The following COL4A5 variants were observed in gnomAD, a reference collection of about 807,000 sequenced individuals.
The protein encoded by COL4A5 is collagen alpha-5(IV) chain.
In COL4A5, 26 loss-of-function variants were observed where a neutral mutation model predicts 130.2. The ratio of observed to expected loss-of-function variants is 0.20; its 90% CI spans 0.15 to 0.28. COL4A5 has a LOEUF of 0.28. Ranked by LOEUF, COL4A5 falls within the 10% of genes least tolerant of loss-of-function variation. The pLI, the probability that COL4A5 is intolerant of heterozygous loss-of-function variation, is 1.00. For synonymous variants in COL4A5, 496 were observed against 439.6 expected, an observed-to-expected ratio of 1.13 and a Z score of -1.60; for missense variants, 1,131 against 1,344.3, an observed-to-expected ratio of 0.84 and a Z score of 2.48.
chrX:108,469,459 A>G (rs1603249651), intron 1 of COL4A5, among the ~76,000 whole-genome samples: 1 of 110,074 alleles, frequency 9.1e-6, no homozygotes, highest in South Asian at 3.9e-4. Flanking sequence ...GTATTTTCTT[A>G]TAATTCTTTT....
intron 36 of COL4A5, among the ~76,000 whole-genome samples, chrX:108,648,782 T>A (rs192940081): frequency 6.3e-5 from 7 of 111,759 alleles, no homozygotes; most frequent in Admixed American, 5.7e-4. Flanking sequence ...ACAGCCAACA[T>A]AGTACTGAAT....
At chrX:108,445,293 A>G (rs1316847760) in intron 1 of COL4A5, among the ~76,000 whole-genome samples, 2 of 111,648 alleles carry the variant, frequency 1.8e-5, no homozygotes, top group Non-Finnish European at 3.8e-5. Context: ...TGAGCACTGC[A>G]TACACATTTT....
chrX:108,440,142 T>C lies in COL4A5; in HGVS notation c.17T>C (p.Val6Ala). The change falls in exon 1 of 53, where the codon GTC becomes GCC. Residue 6 changes from valine to alanine, a missense_variant. Val to Ala is a moderately conservative substitution (Grantham distance 64). Transcript: ENST00000328300. MKLRG[V>A]SLAAGLFLLA... The stretch of plus-strand genomic sequence containing the variant: ...CGGAGAAGAATGAAACTGCGTGGAG[T>C]CAGCCTGGCTGCCGGCTTGTTCTTA... 1 of 1,207,505 alleles carries C rather than the reference T, an allele frequency of 8.3e-7. No individual in the cohort carries two copies. Among genetic ancestry groups the C allele is most frequent in the Non-Finnish European group, 1.1e-6 (1 of 893,920 alleles).
At chrX:108,671,790 A>G (rs1165580500) in intron 42 of COL4A5, among the ~76,000 whole-genome samples, 1 of 111,643 alleles carries the variant, frequency 9.0e-6, no homozygotes, top group Non-Finnish European at 1.9e-5. Flanking sequence ...ATCGGGGTGA[A>G]GGGACTCTCT....
intron 1 of COL4A5, among the ~76,000 whole-genome samples, chrX:108,441,300 A>C (rs2064395392): frequency 8.9e-6 from 1 of 112,513 alleles, no homozygotes; most frequent in African/African-American, 3.2e-5. Flanking sequence ...GTTTAATATG[A>C]GATCATGGCT....
intron 28 of COL4A5, among the ~76,000 whole-genome samples, chrX:108,604,180 AC>A (rs2066690512): frequency 8.9e-6 from 1 of 112,314 alleles, no homozygotes; most frequent in Non-Finnish European, 1.9e-5. Flanking sequence ...CTAGAATGAA[AC>A]CCTTTTCAGA....
intron 36 of COL4A5, among the ~76,000 whole-genome samples, chrX:108,631,362 G>A (rs181255568): frequency 9.0e-6 from 1 of 111,007 alleles, no homozygotes; most frequent in Non-Finnish European, 1.9e-5. Context: ...CCTTGAAGAA[G>A]TCCTTCACAT....
chrX:108,695,896 T>C, intron 52 of COL4A5: 1 of 215,093 alleles, frequency 4.6e-6, no homozygotes, highest in Non-Finnish European at 8.4e-6. Context: ...TTTTTTTCAG[T>C]TTAAATTTAT....
intron 42 of COL4A5, chrX:108,670,639 T>C: frequency 3.0e-6 from 1 of 334,695 alleles, no homozygotes; most frequent in Middle Eastern, 4.4e-4. Context: ...TATTATCAGA[T>C]CTTGAAAATA....
intron 36 of COL4A5, among the ~76,000 whole-genome samples, chrX:108,652,863 G>A (rs1010929942): frequency 8.9e-6 from 1 of 111,967 alleles, no homozygotes; most frequent in Non-Finnish European, 1.9e-5. Flanking sequence ...TGACTTATTA[G>A]GTATGAGATA....
chrX:108,530,327 T>TG (rs756081634), intron 1 of COL4A5, among the ~76,000 whole-genome samples: 98 of 111,122 alleles, frequency 8.8e-4, no homozygotes, highest in African/African-American at 3.0e-3. Flanking sequence ...GAAATTATGA[T>TG]GGAAATTTAA....
At chrX:108,566,071 A>G (rs2065964315) in intron 4 of COL4A5, among the ~76,000 whole-genome samples, 1 of 107,018 alleles carries the variant, frequency 9.3e-6, no homozygotes, top group Admixed American at 1.0e-4. Flanking sequence ...TTCCCTGTCA[A>G]CTTTGACTAA....
chrX:108,519,287 A>C (rs183382228), intron 1 of COL4A5, among the ~76,000 whole-genome samples: 1 of 111,075 alleles, frequency 9.0e-6, no homozygotes, highest in African/African-American at 3.3e-5. Flanking sequence ...ATGTTAAAGG[A>C]ATATCTTCTA....
intron 25 of COL4A5, 149 bp downstream of exon 25, chrX:108,599,019 T>C: frequency 1.9e-6 from 1 of 530,967 alleles, no homozygotes; most frequent in South Asian, 3.3e-5. Context: ...GGGATCACAA[T>C]GGTTTTTATA....
intron 1 of COL4A5, among the ~76,000 whole-genome samples, chrX:108,452,248 T>A (rs1423759985): frequency 1.8e-5 from 2 of 111,954 alleles, no homozygotes; most frequent in African/African-American, 6.5e-5. Flanking sequence ...TAGTTTGAAG[T>A]CAGGTAGCAT....
At chrX:108,488,753 G>A (rs377199067) in intron 1 of COL4A5, among the ~76,000 whole-genome samples, 1 of 111,706 alleles carries the variant, frequency 9.0e-6, no homozygotes, top group East Asian at 2.8e-4. Context: ...GAATGCTGCA[G>A]GATTGATAGG....
At chrX:108,569,849 G>T (rs58306408) in intron 6 of COL4A5, among the ~76,000 whole-genome samples, 11,306 of 109,131 alleles carry the variant, frequency 0.1, 1,290 homozygotes, top group African/African-American at 0.34. Context: ...CCAGCTAATT[G>T]TTTTGTATTT....
chrX:108,579,283 T>C (rs1012634774), intron 13 of COL4A5, among the ~76,000 whole-genome samples: 1 of 112,701 alleles, frequency 8.9e-6, no homozygotes, highest in African/African-American at 3.2e-5. Context: ...TGTGGTCTTC[T>C]GTGTCTGGCT....
At chrX:108,512,552 G>A (rs57740854) in intron 1 of COL4A5, among the ~76,000 whole-genome samples, 11,365 of 109,734 alleles carry the variant, frequency 0.1, 1,292 homozygotes, top group African/African-American at 0.34. Flanking sequence ...ATTTTTTGAA[G>A]TTTTAAAGCT....
Sources: allele counts gnomAD v4.1 joint callset (sites outside exome capture counted in the v4.1 genomes callset), GRCh38; gene constraint gnomAD v4.1.1; transcripts MANE v1.5; gene names NCBI Gene and HGNC (gene_info 2026-07-23, HGNC 2026-07-21).